Variants in ZFP36L1 observed in about 807,000 individuals in gnomAD.
ZFP36L1 encodes the protein mRNA decay activator protein ZFP36L1.
Under a neutral mutation model 16.7 loss-of-function variants are expected in ZFP36L1, and 4 were observed. That is an observed-to-expected ratio of 0.24 (90% confidence interval 0.12 to 0.55). The LOEUF (loss-of-function observed/expected upper bound fraction) is 0.55, where lower values mean the gene tolerates loss of function less well. Ranked by LOEUF, ZFP36L1 falls within the 20% of genes least tolerant of loss-of-function variation. The pLI is 0.94. For missense variants in ZFP36L1, 311 were observed against 449.2 expected (o/e 0.69, Z 2.78); for synonymous variants, 220 against 190.8 (o/e 1.15, Z -1.26).
At chr14:68,793,957 C>T (rs1282297639), upstream of ZFP36L1, 14 of 983,020 alleles carry the variant, frequency 1.4e-5, no homozygotes, top group East Asian at 1.5e-3. Flanking sequence ...AAGACCACAA[C>T]CCGGGACGAT....
Position 68,793,056 on chromosome 14 carries a change from CT to C in ZFP36L1, c.-119del. On this transcript the variant is annotated 5_prime_UTR_variant, in exon 1 of 2. Coordinates refer to ENST00000439696, the MANE Select transcript of ZFP36L1 (RefSeq NM_004926.4). ...CACGCCAGTTCCCGGCGCCCCTCGC[CT>C]TTCTGACTCCGGGCTGGGGCGCGCA... 6.3e-7 allele frequency: 1 copy of C among 1,592,722 alleles called. No homozygotes were observed.
At chr14:68,793,397 G>C (rs529174445), upstream of ZFP36L1, 9 of 1,002,430 alleles carry the variant, frequency 9.0e-6, no homozygotes, top group South Asian at 3.6e-4. Flanking sequence ...CCCCTCTCCG[G>C]GGCCGCGCGG....
At chr14:68,795,347 T>C, upstream of ZFP36L1, among the ~76,000 whole-genome samples, 1 of 133,662 alleles carries the variant, frequency 7.5e-6, no homozygotes, top group East Asian at 2.7e-4. Flanking sequence ...CCGGCTGGTC[T>C]TTAACTCCCG....
In ZFP36L1 at chr14:68,787,929, T is replaced by C. The variant is rs899461527; in HGVS notation, c.*1604A>G. ...GGGCACGTGGAAGTCAAAGGGTTTC[T>C]CTTTTTTTTTTTTTCCCCTTTTAGA... On this transcript the variant is annotated 3_prime_UTR_variant, in exon 2 of 2. Coordinates refer to ENST00000439696, the MANE Select transcript of ZFP36L1 (RefSeq NM_004926.4). The C allele has an allele frequency of 8.4e-6, 1 of 119,370 alleles. No individual in the cohort carries two copies. Among genetic ancestry groups the C allele is most frequent in the Non-Finnish European group, 1.9e-5 (1 of 53,474 alleles). The allele number at this position is 119,370 out of a possible 1,614,324, so 7.4% of individuals were successfully genotyped here.
At chr14:68,793,501 A>T, upstream of ZFP36L1, 1 of 986,052 alleles carries the variant, frequency 1.0e-6, no homozygotes, top group Non-Finnish European at 1.2e-6. Context: ...TCTTGTTGTC[A>T]TGTTGTTGTT....
upstream of ZFP36L1, chr14:68,793,255 A>C: frequency 1.0e-6 from 1 of 989,602 alleles, no homozygotes; most frequent in Non-Finnish European, 1.2e-6. Flanking sequence ...AAAAGGAAGA[A>C]GGGGGAGGGG....
intron 1 of ZFP36L1, among the ~76,000 whole-genome samples, chr14:68,792,556 A>C (rs1895118563): frequency 6.6e-6 from 1 of 152,104 alleles, no homozygotes; most frequent in African/African-American, 2.4e-5. Context: ...ATCCAGCAGC[A>C]CGTTACGTAA....
Position 68,790,421 on chromosome 14 carries a change from G to A in ZFP36L1, c.129C>T (p.Thr43=), listed in dbSNP as rs1239080318. ...GCLLDRKAVG[T]PAGGGFPRRH... is the part of the protein sequence containing the mutation. ...TCCGAGGGAAGCCCCCACCAGCAGG[G>A]GTGCCCACTGCCTTTCTGTCCAGCA... Residue 43 remains threonine (T), a synonymous_variant, in exon 2 of 2, where the codon ACC becomes ACT. Coordinates refer to ENST00000439696, the MANE Select transcript of ZFP36L1 (RefSeq NM_004926.4). 1 of 1,613,886 alleles carries A rather than the reference G, an allele frequency of 6.2e-7. No individual in the cohort carries two copies. Among genetic ancestry groups the A allele is most frequent in the Admixed American group, 1.7e-5 (1 of 59,990 alleles).
intron 1 of ZFP36L1, among the ~76,000 whole-genome samples, chr14:68,791,858 T>A (rs542610237): frequency 6.6e-6 from 1 of 152,278 alleles, no homozygotes; most frequent in East Asian, 1.9e-4. Context: ...CCTGCAGCCC[T>A]GGGGCGTTGG....
At chr14:68,790,634 T>C in intron 1 of ZFP36L1, 142 bp from the exon 2 acceptor site, 1 of 1,187,932 alleles carries the variant, frequency 8.4e-7, no homozygotes, top group Non-Finnish European at 1.2e-6. Context: ...CTCCCTTCCC[T>C]CTCTCCCTCC....
chr14:68,790,811 ATTC>A (rs1895048062), intron 1 of ZFP36L1, among the ~76,000 whole-genome samples: 2 of 152,096 alleles, frequency 1.3e-5, no homozygotes, highest in South Asian at 2.1e-4. Context: ...AGTCAAATAG[ATTC>A]TTCAACTCAA....
chr14:68,787,818 G>C lies in ZFP36L1; in HGVS notation c.*1715C>G, dbSNP rs1894953260. On this transcript the variant is annotated 3_prime_UTR_variant, in exon 2 of 2. Transcript: ENST00000439696. ...AATAATTACATTCATCTTAATGTGT[G>C]TGTGCCAGTTCTGTTTACATTAACA... The C allele has an allele frequency of 6.5e-6, 1 of 152,718 alleles. No individual in the cohort carries two copies. The highest frequency in any genetic ancestry group is 1.5e-5 in the Non-Finnish European group (1 of 68,048). The allele number at this position is 152,718 out of a possible 1,614,324, so 9.5% of individuals were successfully genotyped here.
At position 68,789,449 on chromosome 14, in the gene ZFP36L1, A is replaced by C; in HGVS notation, c.*84T>G. 6.3e-7 allele frequency: 1 copy of C among 1,578,338 alleles called. No individual in the cohort carries two copies. The highest frequency in any genetic ancestry group is 8.6e-7 in the Non-Finnish European group (1 of 1,158,266). On this transcript the variant is annotated 3_prime_UTR_variant, in exon 2 of 2. Coordinates refer to ENST00000439696, the MANE Select transcript of ZFP36L1 (RefSeq NM_004926.4). The surrounding 1 kb of genome is among the most constrained non-coding windows in gnomAD (Gnocchi z 4.5). Reference sequence around the variant, plus strand: ...CTTGTTAATGTAGGGCCTGTGGGGAATGGGATGGGTAGGGAGAAGAGGGTA... The same window carrying C: ...CTTGTTAATGTAGGGCCTGTGGGGACTGGGATGGGTAGGGAGAAGAGGGTA...
At chr14:68,796,023 T>G, upstream of ZFP36L1, 1 of 1,325,778 alleles carries the variant, frequency 7.5e-7, no homozygotes, top group Non-Finnish European at 1.0e-6. Context: ...CGCGGTGCAT[T>G]CCGCCCTCCC....
chr14:68,795,780 G>T (rs778054950), upstream of ZFP36L1: 1 of 534,514 alleles, frequency 1.9e-6, no homozygotes, highest in Non-Finnish European at 3.8e-6. Flanking sequence ...TTTTTAAATT[G>T]TCGGGTTGAA....
At chr14:68,792,551 G>T (rs1179753391) in intron 1 of ZFP36L1, among the ~76,000 whole-genome samples, 1 of 152,108 alleles carries the variant, frequency 6.6e-6, no homozygotes, top group Admixed American at 6.5e-5. Flanking sequence ...CTGGGATCCA[G>T]CAGCACGTTA....
chr14:68,788,112 ATT>A lies in ZFP36L1; in HGVS notation c.*1419_*1420del, dbSNP rs950116961. Reference sequence around the variant, plus strand: ...AATAAATAATCCAACAGTTTTTTGCATTTTTTTAAATTAATTTTTCATTTTTT... The same window carrying A: ...AATAAATAATCCAACAGTTTTTTGCATTTTTAAATTAATTTTTCATTTTTT... On this transcript the variant is annotated 3_prime_UTR_variant, in exon 2 of 2. Coordinates refer to ENST00000439696, the MANE Select transcript of ZFP36L1 (RefSeq NM_004926.4). 2.6e-5 allele frequency: 4 copies of A among 152,138 alleles called. No individual in the cohort carries two copies. The highest frequency in any genetic ancestry group is 5.9e-5 in the Non-Finnish European group (4 of 68,008). 9.4% of individuals were successfully genotyped at this position (152,138 alleles called of 1,614,324 possible). A position where few individuals can be genotyped will look rare whatever the true frequency, so the allele number is the denominator to read the frequency against.
At chr14:68,794,617 T>G (rs1460427988), upstream of ZFP36L1, 1 of 152,352 alleles carries the variant, frequency 6.6e-6, no homozygotes. Flanking sequence ...AACCCGGTGC[T>G]GCGGAGTGGC....
upstream of ZFP36L1, chr14:68,793,217 G>C (rs1417514678): frequency 9.5e-7 from 1 of 1,050,376 alleles, no homozygotes. Context: ...GGCGGGGAGG[G>C]GGGGCAGGGG....
Sources: allele counts gnomAD v4.1 joint callset (sites outside exome capture counted in the v4.1 genomes callset), GRCh38; gene constraint gnomAD v4.1.1; non-coding constraint Gnocchi (gnomAD v3.1); transcripts MANE v1.5; gene names NCBI Gene and HGNC (gene_info 2026-07-23, HGNC 2026-07-21).